PAN3: variants seen among roughly 807,000 people sequenced by gnomAD.
PAN3 encodes the protein PAN2-PAN3 deadenylation complex subunit PAN3.
A neutral mutation model predicts 96.2 loss-of-function variants in PAN3; 19 were observed. The observed-to-expected ratio is 0.20, with a 90% CI of 0.14 to 0.29. PAN3 has a LOEUF of 0.29. Ranked by LOEUF, PAN3 falls within the 10% of genes least tolerant of loss-of-function variation. PAN3 has a pLI of 1.00. For synonymous variants in PAN3, 433 were observed against 406.6 expected (o/e 1.06, Z -0.78); for missense variants, 882 against 1,108.1 (o/e 0.80, Z 2.90).
chr13:28,205,913 T>C (rs1033615287), intron 5 of PAN3, among the ~76,000 whole-genome samples: 3 of 151,776 alleles, frequency 2.0e-5, no homozygotes, highest in African/African-American at 7.3e-5. Flanking sequence ...TTTCTACCTA[T>C]CTATATTTTC....
intron 5 of PAN3, among the ~76,000 whole-genome samples, chr13:28,202,854 T>C (rs1878901767): frequency 6.6e-6 from 1 of 152,208 alleles, no homozygotes; most frequent in Non-Finnish European, 1.5e-5. Flanking sequence ...GAAAAAGTAA[T>C]TGCGGTTTTG....
rs1482125354 is a variant in PAN3 at position 28,224,230 on chromosome 13, C to T, written c.1000+3852C>T. Among the ~76,000 whole-genome samples, 7 of 152,124 alleles carry T rather than the reference C, an allele frequency of 4.6e-5. No homozygotes were observed. The South Asian group carries it at 8.3e-4, about 18-fold the overall frequency. ...ATGTCCTTTTTCATCAGAATTTTCC[C>T]GAGTATTTTTAATAGTAGACATAGT... On this transcript the variant is annotated intron_variant, in intron 6 of 18. Coordinates refer to ENST00000380958, the MANE Select transcript of PAN3 (RefSeq NM_175854.8).
chr13:28,138,480 C>T (rs567119201), upstream of PAN3: 405 of 175,324 alleles, frequency 2.3e-3, 9 homozygotes, highest in Middle Eastern at 5.1e-3. Flanking sequence ...TCTACCCCCT[C>T]CTCCCTCCCC....
At position 28,270,681 on chromosome 13, in the gene PAN3, T is replaced by C. The variant is rs1886541005; in HGVS notation, c.1793-20T>C. On this transcript the variant is annotated intron_variant, in intron 12 of 18. Coordinates refer to ENST00000380958, the MANE Select transcript of PAN3 (RefSeq NM_175854.8). ...GTTGATTACTTAAGATGTCATTTTT[T>C]GGATTTCTTTGCTGTATAGGTCAGC... is the stretch of plus-strand genomic sequence containing the variant. 1.3e-6 allele frequency: 2 copies of C among 1,595,760 alleles called. No homozygotes were observed. The highest frequency in any genetic ancestry group is 3.5e-5 in the Admixed American group (2 of 56,894).
At chr13:28,259,702 A>T (rs1566237441) in intron 7 of PAN3, among the ~76,000 whole-genome samples, 1 of 151,614 alleles carries the variant, frequency 6.6e-6, no homozygotes, top group Non-Finnish European at 1.5e-5. Flanking sequence ...ACAATGGCAC[A>T]ATCTCCACTC....
At chr13:28,283,569 A>G (rs1868560900) in intron 17 of PAN3, among the ~76,000 whole-genome samples, 1 of 152,112 alleles carries the variant, frequency 6.6e-6, no homozygotes, top group Non-Finnish European at 1.5e-5. Context: ...CCCCCTTTAA[A>G]TATATAAAAA....
At chr13:28,192,766 G>A (rs1244908423) in intron 4 of PAN3, among the ~76,000 whole-genome samples, 1 of 152,170 alleles carries the variant, frequency 6.6e-6, no homozygotes, top group Admixed American at 6.5e-5. Context: ...ATTCTCAGAT[G>A]TTTAGTTGAA....
chr13:28,215,319 A>T (rs571450498), intron 5 of PAN3: 11 of 736,814 alleles, frequency 1.5e-5, no homozygotes, highest in South Asian at 1.3e-4. Flanking sequence ...CCGAGTGGAG[A>T]CTGGTGTTCT....
At chr13:28,198,129 G>GAA (rs1172389447) in intron 5 of PAN3, among the ~76,000 whole-genome samples, 1 of 151,766 alleles carries the variant, frequency 6.6e-6, no homozygotes, top group Non-Finnish European at 1.5e-5. Flanking sequence ...GAAAAGAAAA[G>GAA]AAAAATTTTA....
At chr13:28,257,318 G>A (rs116046385) in intron 7 of PAN3, among the ~76,000 whole-genome samples, 1,563 of 152,120 alleles carry the variant, frequency 0.01, 25 homozygotes, top group African/African-American at 0.035. Context: ...TCCATGTTAC[G>A]TAAATTGTAC....
At chr13:28,255,260 T>C (rs924162395) in intron 6 of PAN3, among the ~76,000 whole-genome samples, 8 of 152,166 alleles carry the variant, frequency 5.3e-5, no homozygotes, top group African/African-American at 1.7e-4. Context: ...GAAGGGTAAC[T>C]GTTGCTCTAA....
At chr13:28,171,478 G>A (rs777321455) in intron 1 of PAN3, among the ~76,000 whole-genome samples, 9 of 152,168 alleles carry the variant, frequency 5.9e-5, no homozygotes, top group East Asian at 3.9e-4. Context: ...GACATGTAGC[G>A]GGTCCTCAGA....
chr13:28,151,275 G>C (rs918841560), intron 1 of PAN3, among the ~76,000 whole-genome samples: 1 of 152,150 alleles, frequency 6.6e-6, no homozygotes, highest in Non-Finnish European at 1.5e-5. Context: ...CAGCACTTTG[G>C]GAGGCCGAGG....
rs1885323624 is a variant in PAN3, at chr13:28,257,765, T to TA, written c.1248+1227dup. Among the ~76,000 whole-genome samples, 30 of 138,898 alleles carry TA rather than the reference T, an allele frequency of 2.2e-4. No individual in the cohort carries two copies. In the Admixed American group the frequency reaches 2.3e-3, roughly 11 times the overall value. 91.1% of individuals were successfully genotyped at this position (138,898 alleles called of 152,430 possible). On this transcript the variant is annotated intron_variant, in intron 7 of 18. Transcript: ENST00000380958. ...TATATATAATATATAATTAATTATA[T>TA]ATTATATATAAATTATATATAATAT...
At chr13:28,221,723 T>G (rs762135620) in intron 6 of PAN3, among the ~76,000 whole-genome samples, 51 of 152,230 alleles carry the variant, frequency 3.4e-4, no homozygotes, top group Non-Finnish European at 6.0e-4. Flanking sequence ...CTTTGGTTTT[T>G]TTCCAGGTTC....
At chr13:28,197,079 T>G (rs1878140840) in intron 4 of PAN3, 106 bp from the exon 5 acceptor site, 2 of 1,338,312 alleles carry the variant, frequency 1.5e-6, no homozygotes. Flanking sequence ...TAGAAACTTG[T>G]TTCCTATCCC....
intron 5 of PAN3, among the ~76,000 whole-genome samples, chr13:28,197,577 G>GT (rs1388484620): frequency 2.0e-5 from 3 of 151,674 alleles, no homozygotes; most frequent in African/African-American, 7.3e-5. Context: ...TTGTTTGTTT[G>GT]TTTTTTGTTT....
At chr13:28,170,679 A>G (rs1208487158) in intron 1 of PAN3, among the ~76,000 whole-genome samples, 2 of 152,192 alleles carry the variant, frequency 1.3e-5, no homozygotes, top group Non-Finnish European at 2.9e-5. Context: ...TGCCTTAAGG[A>G]ATGGAGGAAC....
intron 1 of PAN3, among the ~76,000 whole-genome samples, chr13:28,166,861 A>G (rs964302951): frequency 6.6e-6 from 1 of 152,100 alleles, no homozygotes; most frequent in African/African-American, 2.4e-5. Context: ...GCTTGGGAAT[A>G]AAGGGAGCAG....
Sources: gnomAD v4.1 joint callset for allele counts (sites outside exome capture counted in the v4.1 genomes callset) on GRCh38, gnomAD v4.1.1 for gene constraint, MANE v1.5 for transcripts, NCBI Gene and HGNC (gene_info 2026-07-23, HGNC 2026-07-21) for gene names.